The following GTF2F2 variants were observed in gnomAD, a reference collection of about 807,000 sequenced individuals.
The protein encoded by GTF2F2 is ATP-dependent helicase GTF2F2.
Under a neutral mutation model 42.2 loss-of-function variants are expected in GTF2F2, and 23 were observed. The observed-to-expected ratio is 0.55, with a 90% CI of 0.39 to 0.77. GTF2F2 has a LOEUF of 0.77. Ranked by LOEUF, GTF2F2 falls within the 30% of genes least tolerant of loss-of-function variation. The pLI, the probability that GTF2F2 is intolerant of heterozygous loss-of-function variation, is 0.00. For synonymous variants in GTF2F2, 105 were observed against 100.8 expected, an observed-to-expected ratio of 1.04 and a Z score of -0.25; for missense variants, 261 against 287.2, an observed-to-expected ratio of 0.91 and a Z score of 0.66.
At position 45,267,390 on chromosome 13, in the gene GTF2F2, C is replaced by A; in HGVS notation, c.630+14C>A. ...AAGCAACCTGTGGTATGTATATGTT[C>A]ATACTGATCCTTTGAATATGCCCTC... On this transcript the variant is annotated intron_variant, in intron 7 of 7. Transcript: ENST00000340473. 3 of 1,533,522 alleles carry A rather than the reference C, an allele frequency of 2.0e-6. No individual in the cohort carries two copies. Among genetic ancestry groups the A allele is most frequent in the Non-Finnish European group, 2.7e-6 (3 of 1,129,538 alleles). 95.0% of individuals were successfully genotyped at this position (1,533,522 alleles called of 1,614,324 possible). A position where few individuals can be genotyped will look rare whatever the true frequency, so the allele number is the denominator to read the frequency against.
chr13:45,195,099 G>A (rs995557975), intron 4 of GTF2F2, among the ~76,000 whole-genome samples: 6 of 152,008 alleles, frequency 3.9e-5, no homozygotes, highest in African/African-American at 1.4e-4. Context: ...TTCTTTCCCG[G>A]AAAAAGTCAC....
chr13:45,238,015 G>A (rs768814805), intron 5 of GTF2F2, among the ~76,000 whole-genome samples: 7 of 152,088 alleles, frequency 4.6e-5, no homozygotes, highest in South Asian at 2.1e-4. Flanking sequence ...GTGCAGTGGC[G>A]TCATCTCAGC....
At chr13:45,123,213 C>T (rs960053948) in intron 1 of GTF2F2, 17 of 152,366 alleles carry the variant, frequency 1.1e-4, no homozygotes, top group African/African-American at 4.1e-4. Context: ...GTATGTCCCT[C>T]CCGAAGCTGC....
chr13:45,193,725 A>G, intron 4 of GTF2F2: 1 of 1,467,758 alleles, frequency 6.8e-7, no homozygotes, highest in Non-Finnish European at 9.2e-7. Flanking sequence ...GATGTCTTTG[A>G]TGCTGTGGTT....
chr13:45,132,400 C>G (rs1869407158), intron 1 of GTF2F2, among the ~76,000 whole-genome samples: 1 of 150,194 alleles, frequency 6.7e-6, no homozygotes, highest in South Asian at 2.1e-4. Context: ...GTCCAAGTTC[C>G]TAGCTGACTC....
intron 7 of GTF2F2, among the ~76,000 whole-genome samples, chr13:45,281,107 C>G (rs543210111): frequency 2.5e-4 from 38 of 152,294 alleles, no homozygotes; most frequent in African/African-American, 8.4e-4. Context: ...GGCAGACTTG[C>G]ATTTTATATT....
chr13:45,203,368 A>G (rs1873289024), intron 4 of GTF2F2, among the ~76,000 whole-genome samples: 1 of 151,816 alleles, frequency 6.6e-6, no homozygotes. Flanking sequence ...TACAGGCGTG[A>G]GCCACTGCAC....
chr13:45,267,292 T>A lies in GTF2F2; in HGVS notation c.546T>A (p.His182Gln). Residue 182 changes from histidine (H) to glutamine (Q), a missense_variant, in exon 7 of 8, where the codon CAT becomes CAA. Physicochemically the swap from His to Gln is conservative, Grantham distance 24. Transcript: ENST00000340473. ...AGCGAGCTCGAGCTGATAAACAACA[T>A]GTTTTAGACATGCTATTTTCAGCCT... is the stretch of plus-strand genomic sequence containing the variant. ...DGKRARADKQ[H>Q]VLDMLFSAFE... The A allele has an allele frequency of 6.2e-7, 1 of 1,611,620 alleles. No individual in the cohort carries two copies. The highest frequency in any genetic ancestry group is 1.7e-4 in the Middle Eastern group (1 of 6,014).
chr13:45,247,669 A>G (rs1421935249), intron 5 of GTF2F2, among the ~76,000 whole-genome samples: 1 of 151,782 alleles, frequency 6.6e-6, no homozygotes, highest in Non-Finnish European at 1.5e-5. Context: ...GGTTACAGGC[A>G]TGAGCCACTG....
chr13:45,232,907 G>A (rs896833094), intron 5 of GTF2F2, among the ~76,000 whole-genome samples: 1 of 152,116 alleles, frequency 6.6e-6, no homozygotes, highest in African/African-American at 2.4e-5. Context: ...AGTTAGTATA[G>A]CCTGTTCATG....
intron 4 of GTF2F2, among the ~76,000 whole-genome samples, chr13:45,181,203 A>C (rs1296926058): frequency 7.1e-5 from 10 of 140,792 alleles, no homozygotes; most frequent in South Asian, 4.2e-4. Context: ...AAAAAAAAAA[A>C]CCAGAAAAAC....
intron 5 of GTF2F2, among the ~76,000 whole-genome samples, chr13:45,233,302 T>C (rs1359446427): frequency 6.6e-6 from 1 of 152,150 alleles, no homozygotes; most frequent in Non-Finnish European, 1.5e-5. Flanking sequence ...TCCATAGAAG[T>C]CCACTTCCGT....
intron 4 of GTF2F2, among the ~76,000 whole-genome samples, chr13:45,164,443 C>T (rs1390969527): frequency 6.6e-6 from 1 of 152,098 alleles, no homozygotes; most frequent in Admixed American, 6.5e-5. Flanking sequence ...AAAGAAGTAG[C>T]AGCCCTAGTG....
At chr13:45,128,785 GGTCCCC>G (rs1869182044) in intron 1 of GTF2F2, among the ~76,000 whole-genome samples, 1 of 151,822 alleles carries the variant, frequency 6.6e-6, no homozygotes, top group South Asian at 2.1e-4. Context: ...GTAGAGATGG[GGTCCCC>G]GTATGTTGCC....
In GTF2F2 at chr13:45,236,490, TACACACACACACACAC is replaced by T. The variant is rs3047056; in HGVS notation, c.387-16357_387-16342del. On this transcript the variant is annotated intron_variant, in intron 5 of 7. Coordinates refer to ENST00000340473, the MANE Select transcript of GTF2F2 (RefSeq NM_004128.3). ...TTGATTCCTCACCCCCCGCCACACA[TACACACACACACACAC>T]ACACACACACACACACACACACAAG... is the stretch of plus-strand genomic sequence containing the variant. Among the ~76,000 whole-genome samples the T allele has an allele frequency of 5.8e-4, 82 of 142,006 alleles. 1 individual carries two copies. Among genetic ancestry groups the T allele is most frequent in the African/African-American group, 8.8e-4 (35 of 39,810 alleles). 93.2% of individuals were successfully genotyped at this position (142,006 alleles called of 152,430 possible).
At chr13:45,206,999 T>TACACAA (rs1439957259) in intron 4 of GTF2F2, 3 of 88,000 alleles carry the variant, frequency 3.4e-5, no homozygotes, top group African/African-American at 7.2e-5. Context: ...TTTATTCACA[T>TACACAA]ACACAAACAC....
At chr13:45,238,431 G>A (rs76477948) in intron 5 of GTF2F2, among the ~76,000 whole-genome samples, 2,813 of 152,134 alleles carry the variant, frequency 0.018, 104 homozygotes, top group African/African-American at 0.061. Context: ...CTTTATGCCT[G>A]TACTAAAATA....
chr13:45,154,544 A>G lies in GTF2F2; in HGVS notation c.304+2713A>G, dbSNP rs142854511. Among the ~76,000 whole-genome samples the G allele has an allele frequency of 9.5e-4, 145 of 152,334 alleles. 2 individuals are homozygous for G. The East Asian group carries it at 0.02, about 21-fold the overall frequency. The stretch of plus-strand genomic sequence containing the variant: ...AATACAAATGCAGTTCTAAGTTGCT[A>G]TTAGTTATAATACACTATAACAATT... On this transcript the variant is annotated intron_variant, in intron 4 of 7. Transcript: ENST00000340473.
chr13:45,278,404 G>A (rs77360788), intron 7 of GTF2F2, among the ~76,000 whole-genome samples: 5 of 152,100 alleles, frequency 3.3e-5, no homozygotes, highest in Middle Eastern at 3.2e-3. Context: ...CAGACTTGCC[G>A]TAAATTCTCT....
Sources: gnomAD v4.1 joint callset for allele counts (sites outside exome capture counted in the v4.1 genomes callset) on GRCh38, gnomAD v4.1.1 for gene constraint, MANE v1.5 for transcripts, NCBI Gene and HGNC (gene_info 2026-07-23, HGNC 2026-07-21) for gene names.